The following KLF8 variants were observed in gnomAD, a reference collection of about 807,000 sequenced individuals.
The protein encoded by KLF8 is Krueppel-like factor 8.
A neutral mutation model predicts 18.2 loss-of-function variants in KLF8; 10 were observed. The ratio of observed to expected loss-of-function variants is 0.55; its 90% CI spans 0.34 to 0.93. KLF8 has a LOEUF of 0.93. KLF8 is among the 40% of genes least tolerant of loss of function. The probability of loss-of-function intolerance (pLI) is 0.02; values close to 1 mark genes in which losing one functional copy is unlikely to be tolerated. For missense variants in KLF8, 264 were observed against 277.9 expected (o/e 0.95, Z 0.36); for synonymous variants, 109 against 97.3 (o/e 1.12, Z -0.71).
the KLF8 span, among the ~76,000 whole-genome samples, chrX:56,202,557 C>A: frequency 1.9e-5 from 1 of 52,878 alleles, no homozygotes. Context: ...TACCATTAAC[C>A]TTCCCCCCCC....
the KLF8 span, among the ~76,000 whole-genome samples, chrX:56,108,981 A>G: frequency 6.3e-5 from 7 of 111,788 alleles, no homozygotes; most frequent in Admixed American, 6.7e-4. Flanking sequence ...TAATTTCTGC[A>G]TACTTGTAAA....
chrX:55,987,769 T>C, the KLF8 span, among the ~76,000 whole-genome samples: 1 of 112,226 alleles, frequency 8.9e-6, no homozygotes, highest in Non-Finnish European at 1.9e-5. Context: ...CCCTGAGGAA[T>C]CACCACACTG....
the KLF8 span, among the ~76,000 whole-genome samples, chrX:55,975,848 G>A: frequency 1.5e-4 from 17 of 111,797 alleles, no homozygotes; most frequent in African/African-American, 5.5e-4. Flanking sequence ...GGTGGCTTAC[G>A]CCTGTAATCC....
chrX:56,068,276 C>T, the KLF8 span, among the ~76,000 whole-genome samples: 2 of 111,622 alleles, frequency 1.8e-5, no homozygotes, highest in African/African-American at 3.3e-5. Context: ...TGTGACCCCA[C>T]CTGCCCTGCC....
chrX:56,134,556 C>T, the KLF8 span, among the ~76,000 whole-genome samples: 3 of 111,773 alleles, frequency 2.7e-5, no homozygotes, highest in Non-Finnish European at 5.6e-5. Flanking sequence ...TATAAACATT[C>T]TAGAAGATAA....
chrX:56,084,397 C>A, the KLF8 span, among the ~76,000 whole-genome samples: 2 of 109,599 alleles, frequency 1.8e-5, no homozygotes, highest in Non-Finnish European at 3.8e-5. Flanking sequence ...AACAAACAAA[C>A]AAAACAAACA....
intron 1 of KLF8, among the ~76,000 whole-genome samples, chrX:56,245,504 A>G (rs1045026117): frequency 8.9e-6 from 1 of 112,215 alleles, no homozygotes; most frequent in African/African-American, 3.2e-5. Flanking sequence ...GATGTCCTGC[A>G]TATATGAGAC....
At chrX:56,200,487 A>G in the KLF8 span, among the ~76,000 whole-genome samples, 1 of 111,016 alleles carries the variant, frequency 9.0e-6, no homozygotes, top group Non-Finnish European at 1.9e-5. Context: ...ATTAACTTGC[A>G]TGGAATAAAG....
At chrX:56,229,782 A>T (rs1406544648), upstream of KLF8, among the ~76,000 whole-genome samples, 2 of 111,587 alleles carry the variant, frequency 1.8e-5, no homozygotes, top group African/African-American at 6.5e-5. Context: ...CATCCACTGG[A>T]GCCTCTTAGA....
the KLF8 span, among the ~76,000 whole-genome samples, chrX:56,124,649 T>C: frequency 8.9e-6 from 1 of 112,000 alleles, no homozygotes; most frequent in Non-Finnish European, 1.9e-5. Flanking sequence ...GTATCAAGTC[T>C]CTGTGGGCTC....
chrX:56,103,491 C>G, the KLF8 span, among the ~76,000 whole-genome samples: 1 of 111,343 alleles, frequency 9.0e-6, no homozygotes, highest in Non-Finnish European at 1.9e-5. Flanking sequence ...TGGGAGTTCA[C>G]TCATGATTTG....
chrX:56,198,238 G>A, the KLF8 span, among the ~76,000 whole-genome samples: 2 of 111,623 alleles, frequency 1.8e-5, no homozygotes, highest in Admixed American at 9.5e-5. Flanking sequence ...TTCTGGCCAG[G>A]GCAATCAGGC....
chrX:56,065,617 A>C, the KLF8 span, among the ~76,000 whole-genome samples: 2 of 110,473 alleles, frequency 1.8e-5, no homozygotes, highest in Non-Finnish European at 1.9e-5. Context: ...TTTCTTTGTT[A>C]TATTTCTTGT....
At chrX:56,212,390 C>T in the KLF8 span, among the ~76,000 whole-genome samples, 2 of 112,144 alleles carry the variant, frequency 1.8e-5, no homozygotes, top group African/African-American at 3.2e-5. Context: ...CTAGGATTCA[C>T]GTAAGTGTTG....
At chrX:56,047,851 A>G in the KLF8 span, among the ~76,000 whole-genome samples, 1 of 111,744 alleles carries the variant, frequency 8.9e-6, no homozygotes, top group East Asian at 2.8e-4. Context: ...ACTGACTTCC[A>G]CTATGGTTGA....
At chrX:55,953,405 C>G in the KLF8 span, among the ~76,000 whole-genome samples, 1 of 109,983 alleles carries the variant, frequency 9.1e-6, no homozygotes, top group Admixed American at 9.8e-5. Flanking sequence ...CATTTCTCCT[C>G]CAACTGATCT....
chrX:55,922,787 C>T, the KLF8 span, among the ~76,000 whole-genome samples: 1 of 112,011 alleles, frequency 8.9e-6, no homozygotes, highest in Non-Finnish European at 1.9e-5. Context: ...TACCATCTCA[C>T]ACCAGTCAGG....
the KLF8 span, among the ~76,000 whole-genome samples, chrX:56,188,107 T>C: frequency 1.8e-5 from 2 of 111,022 alleles, no homozygotes; most frequent in Non-Finnish European, 3.8e-5. Flanking sequence ...GATGACATGA[T>C]TGTATATCTA....
At chrX:56,048,117 TG>T in the KLF8 span, among the ~76,000 whole-genome samples, 19 of 112,028 alleles carry the variant, frequency 1.7e-4, no homozygotes, top group East Asian at 5.3e-3. Flanking sequence ...TGGGGTTGTT[TG>T]TTTTTTTCTT....
Sources: gnomAD v4.1 joint callset for allele counts (sites outside exome capture counted in the v4.1 genomes callset) on GRCh38, gnomAD v4.1.1 for gene constraint, MANE v1.5 for transcripts, NCBI Gene and HGNC (gene_info 2026-07-23, HGNC 2026-07-21) for gene names.